PML: variants seen among roughly 807,000 people sequenced by gnomAD.
PML encodes protein PML.
Under a neutral mutation model 65.2 loss-of-function variants are expected in PML, and 28 were observed. That is an observed-to-expected ratio of 0.43 (90% CI 0.32 to 0.59). The LOEUF is 0.59. PML is among the 20% of genes least tolerant of loss of function. The pLI, the probability that PML is intolerant of heterozygous loss-of-function variation, is 0.08. For missense variants in PML, 1,021 were observed against 1,203.4 expected (o/e 0.85, Z 2.24); for synonymous variants, 500 against 508.8 (o/e 0.98, Z 0.23).
chr15:73,998,518 C>G (rs1397979100), intron 2 of PML, 42 bp downstream of exon 2: 1 of 1,535,598 alleles, frequency 6.5e-7, no homozygotes, highest in Non-Finnish European at 9.0e-7. Flanking sequence ...ATCCAAGTAC[C>G]AGGTAGAGGG....
intron 2 of PML, among the ~76,000 whole-genome samples, chr15:74,012,789 G>A (rs1235760972): frequency 6.6e-6 from 1 of 151,340 alleles, no homozygotes; most frequent in Non-Finnish European, 1.5e-5. Context: ...TTTGTATTTT[G>A]ATTGAGCTCT....
intron 2 of PML, among the ~76,000 whole-genome samples, chr15:74,019,739 G>T (rs1304841831): frequency 6.6e-6 from 1 of 152,132 alleles, no homozygotes; most frequent in East Asian, 1.9e-4. Context: ...AACACTCATT[G>T]TATGCCAGTC....
At chr15:74,034,689 G>T in intron 7 of PML, 159 bp downstream of exon 7, 1 of 1,554,010 alleles carries the variant, frequency 6.4e-7, no homozygotes, top group Non-Finnish European at 8.7e-7. Flanking sequence ...GTCTCCAAAT[G>T]ACAGCTGCAT....
chr15:74,036,947 C>T (rs921138600), intron 7 of PML: 27 of 985,312 alleles, frequency 2.7e-5, no homozygotes, highest in Non-Finnish European at 3.3e-5. Context: ...CTTCGCCTCC[C>T]TCCAGCCCCG....
intron 4 of PML, among the ~76,000 whole-genome samples, chr15:74,031,466 C>T (rs796366280): frequency 2.0e-5 from 3 of 152,262 alleles, no homozygotes; most frequent in African/African-American, 7.2e-5. Context: ...GTAATACATT[C>T]AAGGCTCATC....
At chr15:74,003,615 G>A (rs2069889512) in intron 2 of PML, among the ~76,000 whole-genome samples, 1 of 151,992 alleles carries the variant, frequency 6.6e-6, no homozygotes, top group African/African-American at 2.4e-5. Context: ...TTGAAATAAT[G>A]TGAACTTTTA....
At position 73,998,436 on chromosome 15, in the gene PML, T is replaced by A. The variant is rs373742710; in HGVS notation, c.562T>A (p.Phe188Ile). 3.1e-6 allele frequency: 5 copies of A among 1,613,916 alleles called. No individual in the cohort carries two copies. The highest frequency in any genetic ancestry group is 4.2e-6 in the Non-Finnish European group (5 of 1,179,968). Residue 188 changes from phenylalanine (F) to isoleucine (I), a missense_variant, in exon 2 of 9, where the codon TTC becomes ATC. Coordinates refer to ENST00000268058, the MANE Select transcript of PML (RefSeq NM_033238.3). ...LDGTRKTNNI[F>I]CSNPNHRTPT... Reference sequence around the variant, plus strand: ...CGGCACCCGCAAGACCAACAACATCTTCTGCTCCAACCCCAACCACCGCAC... The same window carrying A: ...CGGCACCCGCAAGACCAACAACATCATCTGCTCCAACCCCAACCACCGCAC...
At chr15:74,028,139 C>T (rs1026605125) in intron 4 of PML, 17 of 152,162 alleles carry the variant, frequency 1.1e-4, no homozygotes, top group Non-Finnish European at 2.4e-4. Flanking sequence ...CTCTGTTTTT[C>T]ATAGGCTTTT....
At chr15:73,998,787 G>A (rs1159615947) in intron 2 of PML, among the ~76,000 whole-genome samples, 6 of 152,098 alleles carry the variant, frequency 3.9e-5, no homozygotes, top group African/African-American at 7.2e-5. Flanking sequence ...GTAGGGGGAC[G>A]GGAATTCTAC....
chr15:74,019,129 C>T (rs914911765), intron 2 of PML, among the ~76,000 whole-genome samples: 2 of 152,190 alleles, frequency 1.3e-5, no homozygotes, highest in African/African-American at 4.8e-5. Flanking sequence ...ACTTGCCGCC[C>T]ATTTCCATCT....
rs2141896172 is a variant in PML, at chr15:74,042,614, C to T, written c.1711-375C>T. On this transcript the variant is annotated intron_variant, in intron 7 of 8. Coordinates refer to ENST00000268058, the MANE Select transcript of PML (RefSeq NM_033238.3). This position sits in a 1 kb window ranked among gnomAD's most constrained non-coding sequence, Gnocchi z 5.3. ...GCACACTCATGCACACACCCACTGG[C>T]ATTTTCTCTCACACTTTCATACACT... 1 of 985,468 alleles carries T rather than the reference C, an allele frequency of 1.0e-6. No individual in the cohort carries two copies. Among genetic ancestry groups the T allele is most frequent in the Non-Finnish European group, 1.2e-6 (1 of 829,946 alleles). The allele number at this position is 985,468 out of a possible 1,614,324, so 61.0% of individuals were successfully genotyped here.
chr15:74,024,435 T>C (rs2070984608), intron 3 of PML, among the ~76,000 whole-genome samples: 1 of 152,136 alleles, frequency 6.6e-6, no homozygotes, highest in African/African-American at 2.4e-5. Context: ...GAGAGAAGGG[T>C]TATTTTATTC....
In PML at chr15:74,037,607, C is replaced by T. The variant is rs1054678270; in HGVS notation, c.1710+3077C>T. The stretch of plus-strand genomic sequence containing the variant: ...CTTCACCCCACCTCCTGCGCTTCCC[C>T]GCCAGTACCAGGGTGGCCTCTGTGC... On this transcript the variant is annotated intron_variant, in intron 7 of 8. Coordinates refer to ENST00000268058, the MANE Select transcript of PML (RefSeq NM_033238.3). The surrounding 1 kb of genome is among the most constrained non-coding windows in gnomAD (Gnocchi z 4.2). 6.1e-6 allele frequency: 6 copies of T among 985,414 alleles called. No homozygotes were observed. The highest frequency in any genetic ancestry group is 1.7e-5 in the African/African-American group (1 of 57,340). 61.0% of individuals were successfully genotyped at this position (985,414 alleles called of 1,614,324 possible). A position where few individuals can be genotyped will look rare whatever the true frequency, so the allele number is the denominator to read the frequency against.
intron 2 of PML, among the ~76,000 whole-genome samples, chr15:74,018,052 C>G (rs1459531975): frequency 6.6e-6 from 1 of 152,128 alleles, no homozygotes; most frequent in Non-Finnish European, 1.5e-5. Context: ...GGCGTGGTGG[C>G]TCACGCCTGT....
chr15:74,032,244 A>G (rs999326218), intron 4 of PML, among the ~76,000 whole-genome samples: 3 of 152,088 alleles, frequency 2.0e-5, no homozygotes, highest in African/African-American at 7.2e-5. Flanking sequence ...AGTCAGAAGG[A>G]GGTGATGCCA....
At chr15:74,028,027 A>G (rs942483541) in intron 4 of PML, 2 of 152,190 alleles carry the variant, frequency 1.3e-5, no homozygotes. Context: ...TGGTTTGTTT[A>G]CTTTCATTGC....
chr15:74,044,550 C>G lies in PML; in HGVS notation c.2191C>G (p.Gln731Glu). 4 of 1,613,406 alleles carry G rather than the reference C, an allele frequency of 2.5e-6. No individual in the cohort carries two copies. The highest frequency in any genetic ancestry group is 3.4e-6 in the Non-Finnish European group (4 of 1,180,028). The change falls in exon 9 of 9, where the codon CAG becomes GAG. Residue 731 changes from glutamine (Q) to glutamate (E), a missense_variant. By Grantham distance (29) the Gln-to-Glu change is conservative. Transcript: ENST00000268058. ...CAGCTTCAAACTCAAGAACCTGGCC[C>G]AGACCTACCTGGCGAGAAACATGAG... The part of the protein sequence containing the change: ...ASSFKLKNLA[Q>E]TYLARNMSER...
In PML at chr15:74,043,886, G is replaced by T; in HGVS notation, c.1862-335G>T. On this transcript the variant is annotated intron_variant, in intron 8 of 8. Coordinates refer to ENST00000268058, the MANE Select transcript of PML (RefSeq NM_033238.3). The surrounding 1 kb of genome is among the most constrained non-coding windows in gnomAD (Gnocchi z 4.3). ...TGGAGAGCTAAGTTCAAGCAGCCTG[G>T]GATCTCTAGTATAGGTGGCTGAGGC... 1.9e-6 allele frequency: 1 copy of T among 518,530 alleles called. No homozygotes were observed. Among genetic ancestry groups the T allele is most frequent in the Non-Finnish European group, 3.6e-6 (1 of 274,448 alleles). The allele number at this position is 518,530 out of a possible 1,614,324, so 32.1% of individuals were successfully genotyped here. A position where few individuals can be genotyped will look rare whatever the true frequency, so the allele number is the denominator to read the frequency against.
rs937996221 is a variant in PML, at chr15:74,047,276, G to C, written c.*2268G>C. Reference sequence around the variant, plus strand: ...CTTGGCCATCACAGGTGGAGCTTCAGTTAGTACCCGAGGGATTCCCCTGGC... The same window carrying C: ...CTTGGCCATCACAGGTGGAGCTTCACTTAGTACCCGAGGGATTCCCCTGGC... On this transcript the variant is annotated 3_prime_UTR_variant, in exon 9 of 9. Coordinates refer to ENST00000268058, the MANE Select transcript of PML (RefSeq NM_033238.3). The C allele has an allele frequency of 4.3e-6, 1 of 230,484 alleles. No individual in the cohort carries two copies. Among genetic ancestry groups the C allele is most frequent in the Non-Finnish European group, 8.6e-6 (1 of 116,416 alleles). The allele number at this position is 230,484 out of a possible 1,614,324, so 14.3% of individuals were successfully genotyped here.
Sources: allele counts gnomAD v4.1 joint callset (sites outside exome capture counted in the v4.1 genomes callset), GRCh38; gene constraint gnomAD v4.1.1; non-coding constraint Gnocchi (gnomAD v3.1); transcripts MANE v1.5; gene names NCBI Gene and HGNC (gene_info 2026-07-23, HGNC 2026-07-21).